ADGRL3: variants seen among roughly 807,000 people sequenced by gnomAD.
ADGRL3 encodes adhesion G protein-coupled receptor L3, also known as calcium-independent alpha-latrotoxin receptor 3.
ADGRL3 carries 62 observed loss-of-function variants against 153.5 expected under a neutral mutation model. That is an observed-to-expected ratio of 0.40 (90% CI 0.33 to 0.50). ADGRL3 has a LOEUF of 0.50. Ranked by LOEUF, ADGRL3 falls within the 20% of genes least tolerant of loss-of-function variation. The pLI is 0.47. For synonymous variants in ADGRL3, 710 were observed against 672.5 expected (o/e 1.06, Z -0.86); for missense variants, 1,641 against 1,859.4 (o/e 0.88, Z 2.16).
chr4:61,879,298 A>G (rs2098495302), intron 9 of ADGRL3, among the ~76,000 whole-genome samples: 1 of 152,152 alleles, frequency 6.6e-6, no homozygotes, highest in South Asian at 2.1e-4. Flanking sequence ...ATTTATTACT[A>G]CAGATTGTAT....
rs374833342 is a variant in ADGRL3 at position 61,842,850 on chromosome 4, G to C, written c.1480+28961G>C. ...CAACTCAATGAAGACTTCTAGTCGT[G>C]AATGCATATAGTCTACACTGAAGAT... On this transcript the variant is annotated intron_variant, in intron 9 of 26. Coordinates refer to ENST00000683033, the MANE Select transcript of ADGRL3 (RefSeq NM_001387552.1). 5.9e-5 allele frequency among the ~76,000 whole-genome samples: 9 copies of C among 152,250 alleles called. 1 individual carries two copies. The highest frequency in any genetic ancestry group is 2.2e-4 in the African/African-American group (9 of 41,560).
At chr4:61,629,096 A>C (rs528218399) in intron 5 of ADGRL3, among the ~76,000 whole-genome samples, 13 of 152,266 alleles carry the variant, frequency 8.5e-5, no homozygotes, top group African/African-American at 3.1e-4. Flanking sequence ...GCAGGGTGAG[A>C]ATTAGTGAAA....
At chr4:61,822,395 G>A (rs2097764185) in intron 9 of ADGRL3, among the ~76,000 whole-genome samples, 1 of 151,990 alleles carries the variant, frequency 6.6e-6, no homozygotes, top group Admixed American at 6.6e-5. Flanking sequence ...AGTCTCACAA[G>A]GATCCTATTA....
intron 6 of ADGRL3, among the ~76,000 whole-genome samples, chr4:61,688,958 T>C (rs1489921034): frequency 1.3e-5 from 2 of 152,126 alleles, no homozygotes; most frequent in African/African-American, 2.4e-5. Context: ...TGTTTAGTTA[T>C]TTATTTACTT....
At chr4:61,452,759 C>G (rs866908082) in intron 2 of ADGRL3, among the ~76,000 whole-genome samples, 1 of 152,006 alleles carries the variant, frequency 6.6e-6, no homozygotes, top group Non-Finnish European at 1.5e-5. Flanking sequence ...TATATAAATT[C>G]TCATGATTTA....
intron 4 of ADGRL3, among the ~76,000 whole-genome samples, chr4:61,574,216 A>C (rs1579616538): frequency 6.6e-6 from 1 of 151,884 alleles, no homozygotes; most frequent in South Asian, 2.1e-4. Flanking sequence ...AAAAATGCAC[A>C]TTTTTCGTAA....
chr4:61,568,365 G>A (rs185402416), intron 4 of ADGRL3, among the ~76,000 whole-genome samples: 41 of 152,090 alleles, frequency 2.7e-4, no homozygotes, highest in African/African-American at 9.6e-4. Flanking sequence ...TTAATACTTT[G>A]TAACTAAGTT....
At chr4:61,412,179 C>T (rs2097095480) in intron 2 of ADGRL3, among the ~76,000 whole-genome samples, 1 of 152,126 alleles carries the variant, frequency 6.6e-6, no homozygotes, top group Non-Finnish European at 1.5e-5. Context: ...TGACCTGGCT[C>T]AAGTCTTCCT....
intron 8 of ADGRL3, among the ~76,000 whole-genome samples, chr4:61,792,869 C>T (rs1326340668): frequency 6.6e-6 from 1 of 152,066 alleles, no homozygotes; most frequent in Non-Finnish European, 1.5e-5. Flanking sequence ...AAAGTTGCTT[C>T]CATACTTTCA....
At chr4:61,818,140 T>C (rs2148678446) in intron 9 of ADGRL3, among the ~76,000 whole-genome samples, 1 of 152,308 alleles carries the variant, frequency 6.6e-6, no homozygotes, top group East Asian at 1.9e-4. Context: ...CCTATGAGCC[T>C]GTAAAATCAA....
chr4:61,420,269 A>ATGG (rs1164226323), intron 2 of ADGRL3: 3 of 151,996 alleles, frequency 2.0e-5, no homozygotes, highest in African/African-American at 7.3e-5. Context: ...TCACTATATG[A>ATGG]TGGTAGATTC....
At chr4:61,884,666 C>T (rs1445279019) in intron 9 of ADGRL3, among the ~76,000 whole-genome samples, 1 of 151,766 alleles carries the variant, frequency 6.6e-6, no homozygotes, top group African/African-American at 2.4e-5. Context: ...GCTCTGTCAC[C>T]CGGGCTGGAG....
At chr4:61,674,841 TCTA>T (rs575288635) in intron 5 of ADGRL3, among the ~76,000 whole-genome samples, 132 of 152,068 alleles carry the variant, frequency 8.7e-4, no homozygotes, top group African/African-American at 3.1e-3. Context: ...ATACGAAAGA[TCTA>T]CTATTTTAAG....
intron 1 of ADGRL3, among the ~76,000 whole-genome samples, chr4:61,231,270 T>A (rs771819556): frequency 2.0e-5 from 3 of 152,180 alleles, no homozygotes; most frequent in Non-Finnish European, 2.9e-5. Context: ...ATGTTCATAT[T>A]CTAGACTTAT....
intron 9 of ADGRL3, among the ~76,000 whole-genome samples, chr4:61,844,451 G>A (rs1323808268): frequency 7.0e-6 from 1 of 143,800 alleles, no homozygotes; most frequent in Non-Finnish European, 1.5e-5. Context: ...GGAGGCTGAA[G>A]CAGGAGAATC....
chr4:61,372,273 G>A (rs954770294), intron 1 of ADGRL3, among the ~76,000 whole-genome samples: 4 of 152,170 alleles, frequency 2.6e-5, no homozygotes, highest in African/African-American at 9.7e-5. Flanking sequence ...TTGCTGGTGA[G>A]GAACTGCGTT....
intron 1 of ADGRL3, among the ~76,000 whole-genome samples, chr4:61,225,547 A>G (rs553870163): frequency 1.1e-4 from 16 of 152,302 alleles, no homozygotes; most frequent in Admixed American, 4.6e-4. Context: ...ATGATTCGTT[A>G]TGTAAGATAT....
At chr4:61,402,263 GTTTA>G (rs2096938360) in intron 2 of ADGRL3, among the ~76,000 whole-genome samples, 1 of 152,026 alleles carries the variant, frequency 6.6e-6, no homozygotes, top group Non-Finnish European at 1.5e-5. Context: ...GGGGTTGTTT[GTTTA>G]TTTATTTTGA....
At chr4:61,343,531 T>C (rs1400052829) in intron 1 of ADGRL3, among the ~76,000 whole-genome samples, 4 of 152,220 alleles carry the variant, frequency 2.6e-5, no homozygotes, top group Non-Finnish European at 5.9e-5. Context: ...TCGTGCTTAC[T>C]AGCTATATAA....
Sources: gnomAD v4.1 joint callset for allele counts (sites outside exome capture counted in the v4.1 genomes callset) on GRCh38, gnomAD v4.1.1 for gene constraint, MANE v1.5 for transcripts, NCBI Gene and HGNC (gene_info 2026-07-23, HGNC 2026-07-21) for gene names.